The following PHKB variants were observed in gnomAD, a reference collection of about 807,000 sequenced individuals.
PHKB encodes the protein phosphorylase kinase regulatory subunit beta, also known as phosphorylase b kinase regulatory subunit beta.
In PHKB, 122 loss-of-function variants were observed where a neutral mutation model predicts 152.1. The ratio of observed to expected loss-of-function variants is 0.80; its 90% CI spans 0.69 to 0.93. The LOEUF is 0.93. Among genes scored for constraint, PHKB ranks in the 40% least tolerant of loss-of-function variants. PHKB has a pLI of 0.00. For missense variants in PHKB, 1,304 were observed against 1,328.4 expected, an observed-to-expected ratio of 0.98 and a Z score of 0.29; for synonymous variants, 436 against 464.9, an observed-to-expected ratio of 0.94 and a Z score of 0.80.
chr16:47,565,966 C>T, intron 7 of PHKB: 1 of 848,264 alleles, frequency 1.2e-6, no homozygotes, highest in Non-Finnish European at 1.9e-6. Flanking sequence ...CAAGAGTAAT[C>T]ATCTCTGGAG....
intron 6 of PHKB, among the ~76,000 whole-genome samples, chr16:47,537,872 TTCTCTCTC>T (rs34841624): frequency 0.015 from 2,211 of 143,486 alleles, 54 homozygotes; most frequent in African/African-American, 0.052. Flanking sequence ...ACGTGGAAAA[TTCTCTCTC>T]TCTCTCTCTC....
rs547742839 is a variant in PHKB, at chr16:47,567,037, T to A, written c.711-13258T>A. Among the ~76,000 whole-genome samples the A allele has an allele frequency of 2.6e-5, 4 of 152,142 alleles. No homozygotes were observed. In the East Asian group the frequency reaches 7.7e-4, roughly 29 times the overall value. ...AGTCAGGTAATGTGATATCTCCAGA[T>A]TTCTTCTTTTTGCTTTGGATTACTT... On this transcript the variant is annotated intron_variant, in intron 7 of 30. Transcript: ENST00000323584.
At chr16:47,535,407 T>C (rs2151664502) in intron 6 of PHKB, among the ~76,000 whole-genome samples, 1 of 152,350 alleles carries the variant, frequency 6.6e-6, no homozygotes, top group Non-Finnish European at 1.5e-5. Context: ...ACTCAGTATC[T>C]CCTTATCTAA....
intron 7 of PHKB, among the ~76,000 whole-genome samples, chr16:47,551,860 A>C (rs1971276346): frequency 6.6e-6 from 1 of 152,172 alleles, no homozygotes; most frequent in African/African-American, 2.4e-5. Context: ...GTCTCTTTGT[A>C]GGTCTCTAAG....
Position 47,661,810 on chromosome 16 carries a change from C to T in PHKB, c.2278+10C>T, listed in dbSNP as rs1318476865. 2.5e-6 allele frequency: 4 copies of T among 1,574,592 alleles called. No individual in the cohort carries two copies. Among genetic ancestry groups the T allele is most frequent in the Non-Finnish European group, 3.5e-6 (4 of 1,143,918 alleles). On this transcript the variant is annotated intron_variant, in intron 23 of 30. Transcript: ENST00000323584. Reference sequence around the variant, plus strand: ...TTCATCACAAAGGAAGGTAAGCATGCATGTCTAGGAGAACATTTTAAGAGG... The same window carrying T: ...TTCATCACAAAGGAAGGTAAGCATGTATGTCTAGGAGAACATTTTAAGAGG...
At chr16:47,662,384 C>T (rs1283370754) in intron 23 of PHKB, among the ~76,000 whole-genome samples, 2 of 152,186 alleles carry the variant, frequency 1.3e-5, no homozygotes, top group Non-Finnish European at 2.9e-5. Flanking sequence ...CCATGGTCCG[C>T]TTCTGACATT....
chr16:47,679,580 T>C (rs770012028), intron 26 of PHKB, among the ~76,000 whole-genome samples: 1 of 152,218 alleles, frequency 6.6e-6, no homozygotes, highest in Non-Finnish European at 1.5e-5. Flanking sequence ...TTGTCTGTTA[T>C]TGGTGTCTAA....
At chr16:47,593,945 A>G (rs1020710087) in intron 11 of PHKB, among the ~76,000 whole-genome samples, 192 bp from the exon 12 acceptor site, 22 of 152,340 alleles carry the variant, frequency 1.4e-4, no homozygotes, top group African/African-American at 5.0e-4. Context: ...CTAAATGCTA[A>G]CATGACTTTC....
At chr16:47,654,666 G>A (rs1438183858) in intron 20 of PHKB, among the ~76,000 whole-genome samples, 1 of 152,036 alleles carries the variant, frequency 6.6e-6, no homozygotes, top group African/African-American at 2.4e-5. Context: ...CATGGATGAA[G>A]CTGGAAACCA....
chr16:47,578,199 G>A (rs563302522), intron 7 of PHKB, among the ~76,000 whole-genome samples: 1 of 152,000 alleles, frequency 6.6e-6, no homozygotes, highest in African/African-American at 2.4e-5. Flanking sequence ...AAGGATTTCT[G>A]GTTTTTTGAT....
At chr16:47,648,359 A>G (rs1337154480) in intron 16 of PHKB, among the ~76,000 whole-genome samples, 174 bp from the exon 17 acceptor site, 3 of 152,208 alleles carry the variant, frequency 2.0e-5, no homozygotes, top group Non-Finnish European at 4.4e-5. Context: ...TCTCTCAGTA[A>G]TCCAAAATCT....
Position 47,499,838 on chromosome 16 carries a change from G to T in PHKB, c.249G>T (p.Lys83Asn). ...CATGCGGTGGTGACCAGAAGGCCAAGATCCAGGACAGCCTATACTGCGCTG... is the reference window on the plus strand; with the variant it reads ...CATGCGGTGGTGACCAGAAGGCCAATATCCAGGACAGCCTATACTGCGCTG... ...TKTCGGDQKAKIQDSLYCAAG... is the reference protein window; with the variant it reads ...TKTCGGDQKANIQDSLYCAAG... The change falls in exon 3 of 31, where the codon AAG becomes AAT. Residue 83 changes from lysine to asparagine, a missense_variant. Physicochemically the swap from Lys to Asn is moderately conservative, Grantham distance 94. Coordinates refer to ENST00000323584, the MANE Select transcript of PHKB (RefSeq NM_000293.3). 1.9e-6 allele frequency: 3 copies of T among 1,614,176 alleles called. No homozygotes were observed. Among genetic ancestry groups the T allele is most frequent in the Non-Finnish European group, 2.5e-6 (3 of 1,180,038 alleles).
chr16:47,509,950 T>C (rs2151648626), intron 4 of PHKB, among the ~76,000 whole-genome samples: 1 of 152,330 alleles, frequency 6.6e-6, no homozygotes, highest in East Asian at 1.9e-4. Context: ...ATCCCCAGGC[T>C]ACCCACAATT....
At chr16:47,516,557 A>G (rs957935946) in intron 6 of PHKB, among the ~76,000 whole-genome samples, 10 of 152,176 alleles carry the variant, frequency 6.6e-5, no homozygotes, top group African/African-American at 2.4e-4. Context: ...TAGATGTACT[A>G]TATATGTTTG....
At chr16:47,574,475 T>G (rs1971717040) in intron 7 of PHKB, among the ~76,000 whole-genome samples, 3 of 152,200 alleles carry the variant, frequency 2.0e-5, no homozygotes, top group Admixed American at 1.3e-4. Context: ...ACAGCATAAA[T>G]CTCTGCACGT....
chr16:47,504,534 A>G (rs772178672), intron 4 of PHKB, among the ~76,000 whole-genome samples: 1 of 152,218 alleles, frequency 6.6e-6, no homozygotes, highest in Non-Finnish European at 1.5e-5. Context: ...CTTACAAACA[A>G]TTCTTTCTGT....
chr16:47,604,535 T>C (rs1432697577), intron 13 of PHKB, among the ~76,000 whole-genome samples: 2 of 152,224 alleles, frequency 1.3e-5, no homozygotes, highest in African/African-American at 4.8e-5. Context: ...GTTACTAATA[T>C]GTGTCACCAC....
At chr16:47,502,937 C>T in intron 3 of PHKB, 54 bp from the exon 4 acceptor site, 2 of 1,140,578 alleles carry the variant, frequency 1.8e-6, no homozygotes, top group Non-Finnish European at 2.7e-6. Context: ...AAAAGCTCTG[C>T]TTCCTTTTCA....
intron 26 of PHKB, among the ~76,000 whole-genome samples, chr16:47,669,710 A>T (rs1973605522): frequency 6.6e-6 from 1 of 152,268 alleles, no homozygotes; most frequent in South Asian, 2.1e-4. Context: ...AACGCTAAGC[A>T]CAGTACTTGC....
Sources: allele counts gnomAD v4.1 joint callset (sites outside exome capture counted in the v4.1 genomes callset), GRCh38; gene constraint gnomAD v4.1.1; transcripts MANE v1.5; gene names NCBI Gene and HGNC (gene_info 2026-07-23, HGNC 2026-07-21).